OAS1: variants seen among roughly 807,000 people sequenced by gnomAD.
OAS1 encodes 2'-5'-oligoadenylate synthetase 1.
In OAS1, 24 loss-of-function variants were observed where a neutral mutation model predicts 38.5. The observed-to-expected ratio is 0.62, with a 90% CI of 0.45 to 0.88. The LOEUF is 0.88. Ranked by LOEUF, OAS1 falls within the 40% of genes least tolerant of loss-of-function variation. The pLI is 0.00. For missense variants in OAS1, 482 were observed against 493.9 expected (o/e 0.98, Z 0.23); for synonymous variants, 169 against 193.9 (o/e 0.87, Z 1.07).
In OAS1 at chr12:112,908,666, G is replaced by A. The variant is rs764672017; in HGVS notation, c.311G>A (p.Arg104Lys). 38 of 1,614,110 alleles carry A rather than the reference G, an allele frequency of 2.4e-5. No homozygotes were observed. In the South Asian group the frequency reaches 4.0e-4, roughly 17 times the overall value. Residue 104 changes from arginine (R) to lysine (K), a missense_variant, in exon 2 of 6, where the codon AGA becomes AAA. Physicochemically the swap from Arg to Lys is conservative, Grantham distance 26. Transcript: ENST00000202917. ...GGAGAGTTCATCCAGGAAATTAGGA[G>A]ACAGCTGGAAGCCTGTCAAAGAGAG... ...RRGEFIQEIR[R>K]QLEACQRERA...
downstream of OAS1, chr12:112,932,865 T>C (rs1565970120): frequency 6.6e-6 from 1 of 152,218 alleles, no homozygotes; most frequent in Non-Finnish European, 1.5e-5. Context: ...CCTGCTGTGC[T>C]TCCTTGTCCA....
intron 3 of OAS1, 80 bp downstream of exon 3, chr12:112,911,315 G>A: frequency 8.7e-7 from 1 of 1,143,390 alleles, no homozygotes; most frequent in South Asian, 1.9e-5. Context: ...AGAAAGAAGG[G>A]AGTGAAGGGA....
chr12:112,915,909 G>A (rs1212236894), intron 3 of OAS1, among the ~76,000 whole-genome samples: 1 of 152,026 alleles, frequency 6.6e-6, no homozygotes, highest in Non-Finnish European at 1.5e-5. Flanking sequence ...CTTTCTGTTG[G>A]TCATAACTCT....
At chr12:112,911,262 G>T (rs534237582) in intron 3 of OAS1, 27 bp downstream of exon 3, 91 of 1,573,098 alleles carry the variant, frequency 5.8e-5, no homozygotes, top group Non-Finnish European at 7.8e-5. Context: ...AGGCCTGGTG[G>T]GTCCTGTCTC....
intron 3 of OAS1, among the ~76,000 whole-genome samples, chr12:112,914,661 G>A (rs186752494): frequency 2.0e-5 from 3 of 150,330 alleles, no homozygotes; most frequent in East Asian, 2.0e-4. Flanking sequence ...GTATCACATT[G>A]TGGTTTTGAT....
intron 6 of OAS1, among the ~76,000 whole-genome samples, chr12:112,929,344 G>A (rs1383684897): frequency 6.6e-6 from 1 of 152,162 alleles, no homozygotes; most frequent in Non-Finnish European, 1.5e-5. Context: ...ATCTCCCAAA[G>A]GGAAGCAACA....
chr12:112,919,302 T>A (rs1415898421), intron 5 of OAS1, 87 bp from the exon 6 acceptor site: 2 of 1,225,008 alleles, frequency 1.6e-6, no homozygotes, highest in Non-Finnish European at 2.3e-6. Flanking sequence ...CCAGATGGCA[T>A]GTCACAGTGT....
At chr12:112,920,636 T>C (rs751976971), downstream of OAS1, among the ~76,000 whole-genome samples, 2 of 152,212 alleles carry the variant, frequency 1.3e-5, no homozygotes, top group Non-Finnish European at 2.9e-5. Flanking sequence ...CATTGCCACA[T>C]TGTCACACTG....
chr12:112,916,448 G>A, intron 3 of OAS1, 61 bp from the exon 4 acceptor site: 1 of 1,296,982 alleles, frequency 7.7e-7, no homozygotes, highest in Non-Finnish European at 1.1e-6. Context: ...CCCATGAGAA[G>A]TGTAGTTTAC....
At chr12:112,913,155 G>T (rs2043409976) in intron 3 of OAS1, among the ~76,000 whole-genome samples, 1 of 152,072 alleles carries the variant, frequency 6.6e-6, no homozygotes, top group Non-Finnish European at 1.5e-5. Flanking sequence ...TTTGCTGGGT[G>T]GTCATTTCAG....
Position 112,916,708 on chromosome 12 carries a change from A to G in OAS1, c.854A>G (p.Lys285Arg), listed in dbSNP as rs748235063. The change falls in exon 4 of 6, where the codon AAG (lysine) becomes AGG (arginine). Residue 285 changes from lysine to arginine, a missense_variant. Coordinates refer to ENST00000202917, the MANE Select transcript of OAS1 (RefSeq NM_016816.4). ...GACTTTAAAAACCCCATTATTGAAAAGTACCTGAGAAGGCAGCTCACGAAA... is the reference window on the plus strand; with the variant it reads ...GACTTTAAAAACCCCATTATTGAAAGGTACCTGAGAAGGCAGCTCACGAAA... ...YYDFKNPIIE[K>R]YLRRQLTKPR... 1 of 1,614,212 alleles carries G rather than the reference A, an allele frequency of 6.2e-7. No homozygotes were observed. Among genetic ancestry groups the G allele is most frequent in the Admixed American group, 1.7e-5 (1 of 60,026 alleles).
chr12:112,917,660 A>G lies in OAS1; in HGVS notation c.998A>G (p.Lys333Arg), dbSNP rs1475991554. ...GCCTGGCTGAATTACCCATGCTTTA[A>G]GAATTGGGATGGGTCCCCAGTGAGC... is the stretch of plus-strand genomic sequence containing the variant. ...AEAWLNYPCF[K>R]NWDGSPVSSW... The change falls in exon 5 of 6, where the codon AAG becomes AGG. Residue 333 changes from lysine to arginine, a missense_variant. Coordinates refer to ENST00000202917, the MANE Select transcript of OAS1 (RefSeq NM_016816.4). 9 of 1,614,204 alleles carry G rather than the reference A, an allele frequency of 5.6e-6. No individual in the cohort carries two copies. The highest frequency in any genetic ancestry group is 7.6e-6 in the Non-Finnish European group (9 of 1,180,026).
intron 1 of OAS1, chr12:112,907,588 T>G (rs2043314410): frequency 5.0e-6 from 1 of 199,188 alleles, no homozygotes; most frequent in African/African-American, 2.3e-5. Context: ...CAGTGAAGAA[T>G]CATATGTTTT....
chr12:112,909,061 A>C, intron 2 of OAS1: 1 of 463,456 alleles, frequency 2.2e-6, no homozygotes, highest in Non-Finnish European at 3.7e-6. Flanking sequence ...TGCAAGGCTT[A>C]CTGGTTCTGT....
chr12:112,908,703 C>T lies in OAS1; in HGVS notation c.348C>T (p.Ser116=), dbSNP rs376780624. The T allele has an allele frequency of 2.5e-6, 4 of 1,614,148 alleles. No individual in the cohort carries two copies. Among genetic ancestry groups the T allele is most frequent in the Non-Finnish European group, 2.5e-6 (3 of 1,180,030 alleles). Residue 116 remains serine (S), a synonymous_variant, in exon 2 of 6, where the codon TCC becomes TCT. Transcript: ENST00000202917. ...CCTGTCAAAGAGAGAGAGCATTTTC[C>T]GTGAAGTTTGAGGTCCAGGCTCCAC... The part of the protein sequence containing the change: ...LEACQRERAF[S]VKFEVQAPRW...
At chr12:112,920,965 A>G (rs1441743870), downstream of OAS1, among the ~76,000 whole-genome samples, 1 of 152,140 alleles carries the variant, frequency 6.6e-6, no homozygotes, top group Non-Finnish European at 1.5e-5. Flanking sequence ...CTCTCTCTAA[A>G]GCTCATGTTC....
rs541677821 is a variant in OAS1, at chr12:112,907,214, G to A, written c.175G>A (p.Val59Ile). 81 of 1,614,148 alleles carry A rather than the reference G, an allele frequency of 5.0e-5. 2 individuals are homozygous for A. In the South Asian group the frequency reaches 8.5e-4, roughly 17 times the overall value. Residue 59 changes from valine (V) to isoleucine (I), a missense_variant, in exon 1 of 6, where the codon GTA (valine) becomes ATA (isoleucine). By Grantham distance (29) the Val-to-Ile change is conservative (BLOSUM62 3). Coordinates refer to ENST00000202917, the MANE Select transcript of OAS1 (RefSeq NM_016816.4). ...SSYPVCVSKVVKGGSSGKGTT... is the reference protein window; with the variant it reads ...SSYPVCVSKVIKGGSSGKGTT... ...CTACCCTGTGTGTGTGTCCAAGGTG[G>A]TAAAGGTGAGTCCAGGCCTGCCTGG...
chr12:112,926,362 G>A (rs1023722480), intron 6 of OAS1, among the ~76,000 whole-genome samples: 4 of 152,078 alleles, frequency 2.6e-5, no homozygotes, highest in African/African-American at 7.2e-5. Context: ...ATACTGTATC[G>A]GGGGAAACCA....
At chr12:112,919,340 T>C in intron 5 of OAS1, 49 bp from the exon 6 acceptor site, 1 of 1,523,140 alleles carries the variant, frequency 6.6e-7, no homozygotes. Context: ...TGAATCCAGC[T>C]GCAATGCAGG....
Sources: gnomAD v4.1 joint callset for allele counts (sites outside exome capture counted in the v4.1 genomes callset) on GRCh38, gnomAD v4.1.1 for gene constraint, MANE v1.5 for transcripts, NCBI Gene and HGNC (gene_info 2026-07-23, HGNC 2026-07-21) for gene names.